AIMP2: variants seen among roughly 807,000 people sequenced by gnomAD.
AIMP2 encodes aminoacyl tRNA synthase complex-interacting multifunctional protein 2.
In AIMP2, 20 loss-of-function variants were observed where a neutral mutation model predicts 23.4. That is an observed-to-expected ratio of 0.85 (90% CI 0.60 to 1.24). The LOEUF (loss-of-function observed/expected upper bound fraction) is 1.24. Ranked by LOEUF, AIMP2 falls within the 50% of genes most tolerant of loss-of-function variation. AIMP2 has a pLI of 0.00. For missense variants in AIMP2, 515 were observed against 414.5 expected (o/e 1.24, Z -2.10); for synonymous variants, 210 against 170.4 (o/e 1.23, Z -1.81).
At chr7:6,017,793 A>G (rs1787112560) in intron 2 of AIMP2, 21 bp from the exon 3 acceptor site, 3 of 1,602,500 alleles carry the variant, frequency 1.9e-6, no homozygotes, top group African/African-American at 1.3e-5. Context: ...TTATTCGTAC[A>G]TTGTCTTGGT....
At chr7:6,011,750 C>G (rs1475875908) in intron 1 of AIMP2, among the ~76,000 whole-genome samples, 1 of 152,306 alleles carries the variant, frequency 6.6e-6, no homozygotes, top group East Asian at 1.9e-4. Flanking sequence ...AGTCACCCTC[C>G]AACTGCACAG....
intron 2 of AIMP2, among the ~76,000 whole-genome samples, 183 bp from the exon 3 acceptor site, chr7:6,017,631 A>G (rs945692237): frequency 1.3e-5 from 2 of 151,748 alleles, no homozygotes; most frequent in South Asian, 2.1e-4. Flanking sequence ...TCCCAGCTCC[A>G]CTCCGTCCTG....
chr7:6,009,968 A>ATATAT (rs1289301847), intron 1 of AIMP2, among the ~76,000 whole-genome samples: 29 of 36,702 alleles, frequency 7.9e-4, no homozygotes, highest in African/African-American at 2.3e-3. Flanking sequence ...AAAAAAAAAA[A>ATATAT]AAAAAAATAT....
At chr7:6,012,204 GATCCTGCC>G (rs1786731896) in intron 1 of AIMP2, among the ~76,000 whole-genome samples, 1 of 150,450 alleles carries the variant, frequency 6.6e-6, no homozygotes, top group Non-Finnish European at 1.5e-5. Flanking sequence ...ATTGAGCTGT[GATCCTGCC>G]ACTGGACTCC....
intron 3 of AIMP2, among the ~76,000 whole-genome samples, chr7:6,020,256 A>G (rs1252070701): frequency 2.6e-5 from 4 of 152,036 alleles, no homozygotes; most frequent in East Asian, 1.9e-4. Context: ...CCCCATCTCT[A>G]TTAAAGGCAC....
intron 1 of AIMP2, 69 bp from the exon 2 acceptor site, chr7:6,015,077 A>G (rs771057770): frequency 2.5e-6 from 4 of 1,607,002 alleles, no homozygotes; most frequent in South Asian, 2.2e-5. Flanking sequence ...AAGTAAGACA[A>G]GTGATCAAAT....
At chr7:6,016,264 A>G (rs1469681765) in intron 2 of AIMP2, among the ~76,000 whole-genome samples, 1 of 152,216 alleles carries the variant, frequency 6.6e-6, no homozygotes, top group Non-Finnish European at 1.5e-5. Flanking sequence ...ATATGCAAAG[A>G]AAGACCACCT....
intron 1 of AIMP2, among the ~76,000 whole-genome samples, chr7:6,009,974 A>AAAAAAAATATATATATATATATAT: frequency 3.7e-5 from 1 of 26,672 alleles, no homozygotes; most frequent in African/African-American, 1.4e-4. Context: ...AAAAAAAAAA[A>AAAAAAAATATATATATATATATAT]ATATATATAT....
At position 6,017,827 on chromosome 7, in the gene AIMP2, T is replaced by G; in HGVS notation, c.356T>G (p.Leu119Arg). ...NSVLGKDYGA[L>R]KDIVINANPA... is the part of the protein sequence containing the mutation. Reference sequence around the variant, plus strand: ...GTCTTTCCCCAGGATTACGGGGCGCTGAAAGACATCGTGATCAACGCAAAC... The same window carrying G: ...GTCTTTCCCCAGGATTACGGGGCGCGGAAAGACATCGTGATCAACGCAAAC... Residue 119 changes from leucine to arginine, a missense_variant, in exon 3 of 4, where the codon CTG (leucine) becomes CGG (arginine). Transcript: ENST00000223029. 6.2e-7 allele frequency: 1 copy of G among 1,613,838 alleles called. No individual in the cohort carries two copies. The highest frequency in any genetic ancestry group is 8.5e-7 in the Non-Finnish European group (1 of 1,179,854).
intron 2 of AIMP2, among the ~76,000 whole-genome samples, chr7:6,015,917 A>G (rs1234322232): frequency 1.3e-5 from 2 of 152,266 alleles, no homozygotes; most frequent in Non-Finnish European, 1.5e-5. Context: ...GTAGGTAGAG[A>G]AGGAGTGGAA....
Position 6,009,422 on chromosome 7 carries a change from T to G in AIMP2, c.59T>G (p.Leu20Arg). Residue 20 changes from leucine to arginine, a missense_variant, in exon 1 of 4, where the codon CTT (leucine) becomes CGT (arginine). Transcript: ENST00000223029. ...HGGGAPLRVE[L>R]PTCMYRLPNV... ...GGCGGCGCGCCTCTCCGTGTGGAGC[T>G]TCCCACCTGCATGTACCGGCTCCCC... is the stretch of plus-strand genomic sequence containing the variant. The G allele has an allele frequency of 6.2e-7, 1 of 1,611,448 alleles. No individual in the cohort carries two copies.
At chr7:6,011,002 C>A (rs986601857) in intron 1 of AIMP2, among the ~76,000 whole-genome samples, 1 of 152,084 alleles carries the variant, frequency 6.6e-6, no homozygotes, top group African/African-American at 2.4e-5. Context: ...TTTTAGGAGT[C>A]ATTTTATTGT....
chr7:6,020,271 A>G (rs1361851195), intron 3 of AIMP2, among the ~76,000 whole-genome samples: 1 of 152,056 alleles, frequency 6.6e-6, no homozygotes, highest in Non-Finnish European at 1.5e-5. Context: ...AGGCACAAAA[A>G]TGAGCTCAGC....
intron 2 of AIMP2, chr7:6,016,793 T>G (rs995193004): frequency 6.6e-6 from 1 of 152,264 alleles, no homozygotes; most frequent in Non-Finnish European, 1.5e-5. Context: ...CCAAGGAGTT[T>G]GGCCGTGAGT....
chr7:6,015,804 TG>T (rs1786995684), intron 2 of AIMP2, among the ~76,000 whole-genome samples: 1 of 152,234 alleles, frequency 6.6e-6, no homozygotes, highest in South Asian at 2.1e-4. Flanking sequence ...TCTAAATGAG[TG>T]TGCCTTTGCA....
chr7:6,009,726 G>A (rs1786419763), intron 1 of AIMP2, among the ~76,000 whole-genome samples: 1 of 151,580 alleles, frequency 6.6e-6, no homozygotes, highest in Non-Finnish European at 1.5e-5. Flanking sequence ...CGAGGCGGGC[G>A]GATCACCTGA....
In AIMP2 at chr7:6,010,117, C is replaced by T. The variant is rs1260106192; in HGVS notation, c.135+619C>T. Reference sequence around the variant, plus strand: ...ACCACTCTCAGCAACATAGCGAGACCCTTGTCTCTATTTTTTAAATGTTTT... The same window carrying T: ...ACCACTCTCAGCAACATAGCGAGACTCTTGTCTCTATTTTTTAAATGTTTT... On this transcript the variant is annotated intron_variant, in intron 1 of 3. Transcript: ENST00000223029. Among the ~76,000 whole-genome samples, 4 of 150,056 alleles carry T rather than the reference C, an allele frequency of 2.7e-5. No individual in the cohort carries two copies. The East Asian group carries it at 7.8e-4, about 29-fold the overall frequency.
chr7:6,009,586 A>T, intron 1 of AIMP2, 88 bp downstream of exon 1: 1 of 1,248,872 alleles, frequency 8.0e-7, no homozygotes. Context: ...AGCGCGTCCC[A>T]ACCGGTTCAC....
intron 1 of AIMP2, chr7:6,014,801 C>A (rs1786916851): frequency 1.6e-5 from 4 of 247,500 alleles, no homozygotes; most frequent in South Asian, 1.4e-4. Flanking sequence ...CTCACTGCAA[C>A]CTCCACCTCC....
Sources: allele counts gnomAD v4.1 joint callset (sites outside exome capture counted in the v4.1 genomes callset), GRCh38; gene constraint gnomAD v4.1.1; transcripts MANE v1.5; gene names NCBI Gene and HGNC (gene_info 2026-07-23, HGNC 2026-07-21).